COL19A1: variants seen among roughly 807,000 people sequenced by gnomAD.
COL19A1 encodes collagen type XIX alpha 1 chain, also known as collagen alpha-1(XIX) chain.
A neutral mutation model predicts 190.2 loss-of-function variants in COL19A1; 159 were observed. That is an observed-to-expected ratio of 0.84 (90% confidence interval 0.73 to 0.95). The LOEUF is 0.95. Ranked by LOEUF, COL19A1 falls within the 40% of genes least tolerant of loss-of-function variation. COL19A1 has a pLI of 0.00. For missense variants in COL19A1, 1,418 were observed against 1,431.9 expected (o/e 0.99, Z 0.16); for synonymous variants, 509 against 458.9 (o/e 1.11, Z -1.39).
chr6:69,940,699 C>T (rs925064828), intron 9 of COL19A1, among the ~76,000 whole-genome samples: 11 of 152,128 alleles, frequency 7.2e-5, no homozygotes, highest in East Asian at 1.9e-4. Flanking sequence ...ATCTACACAA[C>T]GAATAACTAA....
intron 4 of COL19A1, among the ~76,000 whole-genome samples, chr6:69,902,550 G>A (rs1289021205): frequency 6.6e-6 from 1 of 152,148 alleles, no homozygotes; most frequent in African/African-American, 2.4e-5. Context: ...GTGAGTCTCA[G>A]GCAAAATACA....
chr6:70,024,986 C>T (rs1778648212), intron 12 of COL19A1, among the ~76,000 whole-genome samples: 3 of 151,604 alleles, frequency 2.0e-5, no homozygotes, highest in African/African-American at 7.3e-5. Context: ...GAGCAGATCA[C>T]TTCTCAGAGT....
intron 18 of COL19A1, among the ~76,000 whole-genome samples, chr6:70,132,133 C>T (rs1785563966): frequency 6.6e-6 from 1 of 152,180 alleles, no homozygotes; most frequent in Non-Finnish European, 1.5e-5. Flanking sequence ...CAGGTGGTAG[C>T]TCGCACCTGT....
intron 11 of COL19A1, among the ~76,000 whole-genome samples, chr6:69,984,459 T>C (rs1261841185): frequency 6.6e-6 from 1 of 152,152 alleles, no homozygotes; most frequent in Non-Finnish European, 1.5e-5. Flanking sequence ...TACCCATTAT[T>C]GCCACCCTCT....
At chr6:69,950,297 A>C (rs1472588577) in intron 9 of COL19A1, among the ~76,000 whole-genome samples, 1 of 151,886 alleles carries the variant, frequency 6.6e-6, no homozygotes, top group Non-Finnish European at 1.5e-5. Context: ...TGAGGACTCT[A>C]ATAAGGATGA....
intron 14 of COL19A1, among the ~76,000 whole-genome samples, chr6:70,037,218 C>T (rs944507633): frequency 7.9e-5 from 12 of 152,048 alleles, no homozygotes; most frequent in African/African-American, 2.9e-4. Flanking sequence ...TACAGTGGCA[C>T]GATCTCGGCT....
At chr6:69,968,288 G>C (rs776910516) in intron 11 of COL19A1, among the ~76,000 whole-genome samples, 1 of 152,126 alleles carries the variant, frequency 6.6e-6, no homozygotes, top group Non-Finnish European at 1.5e-5. Context: ...AAAAATAGCA[G>C]CAGTGAATTC....
intron 18 of COL19A1, among the ~76,000 whole-genome samples, chr6:70,134,640 T>C (rs1224176788): frequency 6.6e-6 from 1 of 152,184 alleles, no homozygotes; most frequent in African/African-American, 2.4e-5. Context: ...TGGCTTCTTA[T>C]CCATTTGGTT....
chr6:70,146,664 A>G lies in COL19A1; in HGVS notation c.1776A>G (p.Leu592=), dbSNP rs779392266. Residue 592 remains leucine, a synonymous_variant, in exon 26 of 51, where the codon TTA becomes TTG. Transcript: ENST00000620364. ...PGKSLPGEPG[L]DGNPGAPGPR... is the part of the protein sequence containing the mutation. ...TCATACTTTTTTTCTTTTAGGGATT[A>G]GATGGAAATCCTGGAGCACCTGGTC... 6.2e-7 allele frequency: 1 copy of G among 1,606,368 alleles called. No individual in the cohort carries two copies. The highest frequency in any genetic ancestry group is 1.1e-5 in the South Asian group (1 of 89,470).
chr6:70,009,328 C>T (rs925492760), intron 11 of COL19A1, among the ~76,000 whole-genome samples: 1 of 151,950 alleles, frequency 6.6e-6, no homozygotes, highest in African/African-American at 2.4e-5. Context: ...ATTGAATATA[C>T]AAATTTTTAT....
intron 16 of COL19A1, among the ~76,000 whole-genome samples, chr6:70,113,710 TG>T (rs927789224): frequency 2.6e-5 from 4 of 152,082 alleles, no homozygotes; most frequent in African/African-American, 9.7e-5. Flanking sequence ...TTCTTTCTCC[TG>T]CTCTCTTTCT....
intron 31 of COL19A1, among the ~76,000 whole-genome samples, chr6:70,154,541 A>G (rs1787314604): frequency 3.3e-5 from 5 of 152,156 alleles, no homozygotes. Flanking sequence ...AGGGTTCTCT[A>G]GAGGGACAGA....
At chr6:70,031,462 C>G (rs549965781) in intron 12 of COL19A1, among the ~76,000 whole-genome samples, 2 of 152,162 alleles carry the variant, frequency 1.3e-5, no homozygotes, top group Non-Finnish European at 2.9e-5. Context: ...CCCTTGCCCC[C>G]TCACTCACCC....
chr6:70,198,140 A>C (rs1200561), intron 48 of COL19A1, among the ~76,000 whole-genome samples: 4,608 of 152,332 alleles, frequency 0.03, 246 homozygotes, highest in African/African-American at 0.1. Flanking sequence ...AAGACTGGAG[A>C]ACATGGAAGT....
chr6:69,871,899 C>T (rs1397581343), intron 1 of COL19A1, among the ~76,000 whole-genome samples: 2 of 151,624 alleles, frequency 1.3e-5, no homozygotes, highest in African/African-American at 4.8e-5. Context: ...TCACTGCAAC[C>T]TCCGCCTCCC....
At chr6:69,913,604 T>A (rs1771103932) in intron 4 of COL19A1, among the ~76,000 whole-genome samples, 1 of 152,036 alleles carries the variant, frequency 6.6e-6, no homozygotes, top group Non-Finnish European at 1.5e-5. Context: ...GTTTTAAAGG[T>A]CAAAGCAATT....
chr6:69,870,535 G>T (rs745419696), intron 1 of COL19A1, among the ~76,000 whole-genome samples: 1 of 152,200 alleles, frequency 6.6e-6, no homozygotes, highest in Non-Finnish European at 1.5e-5. Context: ...AGAAACCTGT[G>T]AATTGTTAAT....
chr6:70,036,737 T>C (rs1000043910), intron 14 of COL19A1, among the ~76,000 whole-genome samples: 3 of 152,302 alleles, frequency 2.0e-5, no homozygotes, highest in South Asian at 2.1e-4. Context: ...CCTAGTGAGA[T>C]AAATTAAGCA....
intron 2 of COL19A1, among the ~76,000 whole-genome samples, chr6:69,888,945 G>A (rs1246453362): frequency 6.6e-6 from 1 of 152,182 alleles, no homozygotes; most frequent in Non-Finnish European, 1.5e-5. Context: ...TATTGGCAAA[G>A]TAGGATGTGT....
Sources: allele counts gnomAD v4.1 joint callset (sites outside exome capture counted in the v4.1 genomes callset), GRCh38; gene constraint gnomAD v4.1.1; transcripts MANE v1.5; gene names NCBI Gene and HGNC (gene_info 2026-07-23, HGNC 2026-07-21).